Variants in ADCK5 observed in about 807,000 individuals in gnomAD.
ADCK5 encodes uncharacterized aarF domain-containing protein kinase 5.
A neutral mutation model predicts 64.9 loss-of-function variants in ADCK5; 43 were observed. That is an observed-to-expected ratio of 0.66 (90% CI 0.52 to 0.85). The LOEUF is 0.85. Ranked by LOEUF, ADCK5 falls within the 40% of genes least tolerant of loss-of-function variation. The pLI, the probability that ADCK5 is intolerant of heterozygous loss-of-function variation, is 0.00. For synonymous variants in ADCK5, 434 were observed against 342.8 expected, an observed-to-expected ratio of 1.27 and a Z score of -2.94; for missense variants, 760 against 810.5, an observed-to-expected ratio of 0.94 and a Z score of 0.76.
At chr8:144,373,816 GC>G (rs1394447647), upstream of ADCK5, 1 of 361,544 alleles carries the variant, frequency 2.8e-6, no homozygotes, top group Non-Finnish European at 4.9e-6. Context: ...GCAGGTGCCT[GC>G]CCGGGGAATG....
chr8:144,378,022 C>T (rs1447111920), intron 1 of ADCK5, among the ~76,000 whole-genome samples: 2 of 152,172 alleles, frequency 1.3e-5, no homozygotes, highest in Admixed American at 6.5e-5. Context: ...GATGGTGATG[C>T]CATCTCTTCC....
upstream of ADCK5, chr8:144,373,845 G>T: frequency 2.7e-6 from 1 of 372,570 alleles, no homozygotes; most frequent in South Asian, 1.5e-4. Context: ...CGCCGAGGGC[G>T]GGACTGGAAC....
Position 144,391,964 on chromosome 8 carries a change from C to G in ADCK5, c.1038C>G (p.Ala346=). The change falls in exon 10 of 15, where the codon GCC becomes GCG. Residue 346 remains alanine, a synonymous_variant. Transcript: ENST00000308860. ...AGATAGCAGAAAAGCTCATCAAGGC[C>G]TTTGCTGAGCAGATATTTTACACCG... ...VHDIAEKLIK[A]FAEQIFYTGF... 6.2e-7 allele frequency: 1 copy of G among 1,612,734 alleles called. No individual in the cohort carries two copies. The highest frequency in any genetic ancestry group is 1.1e-5 in the South Asian group (1 of 91,076).
intron 1 of ADCK5, among the ~76,000 whole-genome samples, 189 bp downstream of exon 1, chr8:144,374,296 C>A (rs1271053592): frequency 6.6e-6 from 1 of 152,202 alleles, no homozygotes; most frequent in Non-Finnish European, 1.5e-5. Context: ...GCTTCCGCCT[C>A]CCGGACTCAG....
intron 2 of ADCK5, among the ~76,000 whole-genome samples, chr8:144,381,035 G>A (rs1230661747): frequency 2.6e-4 from 38 of 147,018 alleles, no homozygotes; most frequent in Middle Eastern, 3.7e-3. Flanking sequence ...CCGCAGTCAG[G>A]ATTATGTGCC....
At chr8:144,378,804 G>A (rs1456084733) in intron 1 of ADCK5, among the ~76,000 whole-genome samples, 3 of 152,028 alleles carry the variant, frequency 2.0e-5, no homozygotes, top group South Asian at 2.1e-4. Context: ...ACTTGAACTC[G>A]GGAGGCGGAG....
In ADCK5 at chr8:144,392,456, T is replaced by A. The variant is rs1820330500; in HGVS notation, c.1279T>A (p.Phe427Ile). Residue 427 changes from phenylalanine (F) to isoleucine (I), a missense_variant, in exon 13 of 15, where the codon TTC becomes ATC. Physicochemically the swap from Phe to Ile is conservative, Grantham distance 21. This residue lies in a region of ADCK5 where 333 missense variants were observed against 292.0 expected (regional missense o/e 1.14). Coordinates refer to ENST00000308860, the MANE Select transcript of ADCK5 (RefSeq NM_174922.5). ...AALGVQDYLL[F>I]AEMLMQRPVR... The stretch of plus-strand genomic sequence containing the variant: ...CCCTCCCTCCCCAGACTACCTCCTG[T>A]TCGCCGAGATGCTCATGCAGCGCCC... 1.6e-6 allele frequency: 2 copies of A among 1,228,602 alleles called. No individual in the cohort carries two copies. The highest frequency in any genetic ancestry group is 2.1e-6 in the Non-Finnish European group (2 of 945,230). The allele number at this position is 1,228,602 out of a possible 1,614,324, so 76.1% of individuals were successfully genotyped here.
rs1820331635 is a variant in ADCK5, at chr8:144,392,465, A to C, written c.1288A>C (p.Met430Leu). The C allele has an allele frequency of 7.9e-7, 1 of 1,266,144 alleles. No individual in the cohort carries two copies. The highest frequency in any genetic ancestry group is 1.7e-5 in the African/African-American group (1 of 60,104). 78.4% of individuals were successfully genotyped at this position (1,266,144 alleles called of 1,614,324 possible). The change falls in exon 13 of 15, where the codon ATG (methionine) becomes CTG (leucine). Residue 430 changes from methionine to leucine, a missense_variant. Met to Leu is a conservative substitution (Grantham distance 15). Transcript: ENST00000308860. Reference sequence around the variant, plus strand: ...CCCAGACTACCTCCTGTTCGCCGAGATGCTCATGCAGCGCCCCGTGCGCCT... The same window carrying C: ...CCCAGACTACCTCCTGTTCGCCGAGCTGCTCATGCAGCGCCCCGTGCGCCT... ...GVQDYLLFAEMLMQRPVRLGQ... is the reference protein window; with the variant it reads ...GVQDYLLFAELLMQRPVRLGQ...
chr8:144,392,811 C>G lies in ADCK5; in HGVS notation c.1556C>G (p.Thr519Arg). 6.3e-7 allele frequency: 1 copy of G among 1,592,322 alleles called. No homozygotes were observed. Among genetic ancestry groups the G allele is most frequent in the Non-Finnish European group, 8.5e-7 (1 of 1,174,024 alleles). Residue 519 changes from threonine to arginine, a missense_variant, in exon 14 of 15, where the codon ACG becomes AGG. Coordinates refer to ENST00000308860, the MANE Select transcript of ADCK5 (RefSeq NM_174922.5). ...GGCTGGAGCCGCCTGGCGGGCGCCA[C>G]GTATCGGGGTGTCTACGGCACCAGC... ...VRGWSRLAGA[T>R]YRGVYGTSLL...
Position 144,391,486 on chromosome 8 carries a change from C to A in ADCK5, c.798+12C>A. On this transcript the variant is annotated intron_variant, in intron 7 of 14. Coordinates refer to ENST00000308860, the MANE Select transcript of ADCK5 (RefSeq NM_174922.5). Reference sequence around the variant, plus strand: ...GCTGGGTCCTCCAGGTACAGCCCCACCCCTTCCCCGGCCAGCAGGAGCAAA... The same window carrying A: ...GCTGGGTCCTCCAGGTACAGCCCCAACCCTTCCCCGGCCAGCAGGAGCAAA... 1 of 1,606,092 alleles carries A rather than the reference C, an allele frequency of 6.2e-7. No individual in the cohort carries two copies. Among genetic ancestry groups the A allele is most frequent in the Non-Finnish European group, 8.5e-7 (1 of 1,177,562 alleles).
At chr8:144,382,475 A>ACTCCTGCTGTATTCAGGGAGTATTGGG (rs1819720060) in intron 2 of ADCK5, among the ~76,000 whole-genome samples, 4 of 151,238 alleles carry the variant, frequency 2.6e-5, no homozygotes, top group Non-Finnish European at 4.4e-5. Flanking sequence ...CGAGTATTAG[A>ACTCCTGCTGTATTCAGGGAGTATTGGG]CTCCTGCTGT....
intron 3 of ADCK5, among the ~76,000 whole-genome samples, chr8:144,385,186 CTTTT>C (rs75146415): frequency 2.2e-5 from 3 of 138,158 alleles, no homozygotes; most frequent in Admixed American, 7.3e-5. Flanking sequence ...CTTACATTTT[CTTTT>C]TTTTTTTTTT....
rs782208902 is a variant in ADCK5, at chr8:144,392,304, A to C, written c.1226A>C (p.Asp409Ala). Residue 409 changes from aspartate to alanine, a missense_variant, in exon 12 of 15, where the codon GAC becomes GCC. By Grantham distance (126) the Asp-to-Ala change is moderately radical. Coordinates refer to ENST00000308860, the MANE Select transcript of ADCK5 (RefSeq NM_174922.5). ...QLWRAIILRD[D>A]AAMRAHAAAL... ...TGGCGGGCCATCATCCTGCGGGACG[A>C]CGCCGCCATGAGGGCGCACGCAGCC... 5.9e-5 allele frequency: 89 copies of C among 1,504,052 alleles called. No individual in the cohort carries two copies. The highest frequency in any genetic ancestry group is 6.8e-5 in the Non-Finnish European group (77 of 1,129,536). The allele number at this position is 1,504,052 out of a possible 1,614,324, so 93.2% of individuals were successfully genotyped here. A position where few individuals can be genotyped will look rare whatever the true frequency, so the allele number is the denominator to read the frequency against.
intron 2 of ADCK5, among the ~76,000 whole-genome samples, chr8:144,381,614 A>C (rs769125545): frequency 2.6e-5 from 3 of 114,986 alleles, no homozygotes; most frequent in African/African-American, 7.1e-5. Context: ...GTGCTCAGGC[A>C]CCTCCCGCAG....
chr8:144,381,077 T>G, intron 2 of ADCK5, among the ~76,000 whole-genome samples: 1 of 148,954 alleles, frequency 6.7e-6, no homozygotes, highest in Middle Eastern at 3.6e-3. Flanking sequence ...CTCAGGCACC[T>G]GCTGCACTAA....
chr8:144,373,642 TCACA>T (rs1554856495), upstream of ADCK5, among the ~76,000 whole-genome samples: 1 of 152,204 alleles, frequency 6.6e-6, no homozygotes, highest in Admixed American at 6.5e-5. Flanking sequence ...ATCTTGGCCC[TCACA>T]CAGGCAGGTG....
At chr8:144,389,472 C>T (rs1820103502) in intron 3 of ADCK5, 1 of 393,190 alleles carries the variant, frequency 2.5e-6, no homozygotes, top group South Asian at 1.8e-5. Context: ...CCCCATCTCA[C>T]CTGGGCACCC....
At chr8:144,392,232 C>A in intron 11 of ADCK5, 22 bp from the exon 12 acceptor site, 3 of 1,543,750 alleles carry the variant, frequency 1.9e-6, no homozygotes, top group East Asian at 4.9e-5. Context: ...GAGCTCATGG[C>A]TGCGGGCCCA....
At chr8:144,381,533 G>A (rs1286213164) in intron 2 of ADCK5, among the ~76,000 whole-genome samples, 3 of 146,220 alleles carry the variant, frequency 2.1e-5, no homozygotes, top group Non-Finnish European at 3.0e-5. Flanking sequence ...TTATGGGCCA[G>A]GTGTAGAAAC....
Sources: gnomAD v4.1 joint callset for allele counts (sites outside exome capture counted in the v4.1 genomes callset) on GRCh38, gnomAD v4.1.1 for gene constraint, gnomAD v4.1.1 regional missense constraint, MANE v1.5 for transcripts, NCBI Gene and HGNC (gene_info 2026-07-23, HGNC 2026-07-21) for gene names.